The following MKNK2 variants were observed in gnomAD, a reference collection of about 807,000 sequenced individuals.
MKNK2 encodes the protein MAPK interacting serine/threonine kinase 2.
Under a neutral mutation model 55.0 loss-of-function variants are expected in MKNK2, and 54 were observed. That is an observed-to-expected ratio of 0.98 (90% CI 0.79 to 1.23). The LOEUF (loss-of-function observed/expected upper bound fraction) is 1.23. MKNK2 is among the 50% of genes most tolerant of loss of function. The probability of loss-of-function intolerance (pLI) is 0.00; values close to 1 mark genes in which losing one functional copy is unlikely to be tolerated. For missense variants in MKNK2, 685 were observed against 632.1 expected (o/e 1.08, Z -0.90); for synonymous variants, 323 against 256.0 (o/e 1.26, Z -2.50).
intron 6 of MKNK2, 89 bp downstream of exon 6, chr19:2,043,414 G>T: frequency 7.7e-7 from 1 of 1,306,004 alleles, no homozygotes; most frequent in Non-Finnish European, 1.1e-6. Flanking sequence ...GTGCCCTACA[G>T]ACGCTTGCTG....
chr19:2,041,605 C>T (rs572082823), intron 11 of MKNK2, among the ~76,000 whole-genome samples: 1 of 152,120 alleles, frequency 6.6e-6, no homozygotes, highest in African/African-American at 2.4e-5. Context: ...CTGTGGATGG[C>T]ATCAGGGAGT....
chr19:2,043,345 C>A, intron 6 of MKNK2, 148 bp from the exon 7 acceptor site: 1 of 1,002,904 alleles, frequency 1.0e-6, no homozygotes, highest in Non-Finnish European at 1.6e-6. Flanking sequence ...TCACACTGCC[C>A]GCCTGGGGCT....
rs1159551440 is a variant in MKNK2 at position 2,038,183 on chromosome 19, C to A, written c.*1430G>T. 3.0e-6 allele frequency: 3 copies of A among 1,015,368 alleles called. No individual in the cohort carries two copies. The South Asian group carries it at 1.4e-4, about 46-fold the overall frequency. The allele number at this position is 1,015,368 out of a possible 1,614,324, so 62.9% of individuals were successfully genotyped here. Reference sequence around the variant, plus strand: ...AGGCAGACGGTCTCCGAGGCCCCCACCCCCAGGCCCCCCGACATTCAAGTA... The same window carrying A: ...AGGCAGACGGTCTCCGAGGCCCCCAACCCCAGGCCCCCCGACATTCAAGTA... On this transcript the variant is annotated 3_prime_UTR_variant, in exon 14 of 14. Transcript: ENST00000250896.
At chr19:2,040,097 T>G (rs372336895) in intron 13 of MKNK2, 37 bp downstream of exon 13, 2 of 1,568,536 alleles carry the variant, frequency 1.3e-6, no homozygotes, top group African/African-American at 2.7e-5. Context: ...CCCCGCCCCC[T>G]GGACTCAGGG....
At position 2,041,860 on chromosome 19, in the gene MKNK2, C is replaced by T; in HGVS notation, c.925G>A (p.Glu309Lys). Residue 309 changes from glutamate to lysine, a missense_variant, in exon 11 of 14, where the codon GAG (glutamate) becomes AAG (lysine). Transcript: ENST00000250896. ...CGCACCTGGCAGGCAGGGCAGGCCTCGCCGCGGTCCCAGCCGCAGTCGCTG... is the reference window on the plus strand; with the variant it reads ...CGCACCTGGCAGGCAGGGCAGGCCTTGCCGCGGTCCCAGCCGCAGTCGCTG... ...CGSDCGWDRG[E>K]ACPACQNMLF... The T allele has an allele frequency of 2.6e-6, 4 of 1,534,088 alleles. No homozygotes were observed. The highest frequency in any genetic ancestry group is 3.5e-6 in the Non-Finnish European group (4 of 1,139,786).
rs954869331 is a variant in MKNK2, at chr19:2,038,801, A to G, written c.*812T>C. 1.7e-5 allele frequency: 17 copies of G among 985,536 alleles called. No homozygotes were observed. In the Admixed American group the frequency reaches 7.4e-4, roughly 43 times the overall value. 61.0% of individuals were successfully genotyped at this position (985,536 alleles called of 1,614,324 possible). A position where few individuals can be genotyped will look rare whatever the true frequency, so the allele number is the denominator to read the frequency against. ...CCAGCCCCTCTGCCTGCTGCGGTGG[A>G]AACGGCTTCGGGCCAGGCGGGGCTC... is the stretch of plus-strand genomic sequence containing the variant. On this transcript the variant is annotated 3_prime_UTR_variant, in exon 14 of 14. Coordinates refer to ENST00000250896, the MANE Select transcript of MKNK2 (RefSeq NM_199054.3).
rs2016787041 is a variant in MKNK2 at position 2,037,925 on chromosome 19, C to T, written c.*1688G>A. The stretch of plus-strand genomic sequence containing the variant: ...TGGGCGCCTGCAGCGGGCGGGGGTC[C>T]ATTTGCTTGTTCTTTGATACAAAAA... On this transcript the variant is annotated 3_prime_UTR_variant, in exon 14 of 14. Coordinates refer to ENST00000250896, the MANE Select transcript of MKNK2 (RefSeq NM_199054.3). 1.4e-6 allele frequency: 2 copies of T among 1,396,976 alleles called. No homozygotes were observed. Among genetic ancestry groups the T allele is most frequent in the Non-Finnish European group, 1.9e-6 (2 of 1,060,290 alleles). 86.5% of individuals were successfully genotyped at this position (1,396,976 alleles called of 1,614,324 possible). A position where few individuals can be genotyped will look rare whatever the true frequency, so the allele number is the denominator to read the frequency against.
In MKNK2 at chr19:2,038,107, C is replaced by T. The variant is rs546737623; in HGVS notation, c.*1506G>A. ...GACCAGGGAAGGCAGAGCACCCCCA[C>T]GGCCACCGGACTGTGACCATCATAC... On this transcript the variant is annotated 3_prime_UTR_variant, in exon 14 of 14. Transcript: ENST00000250896. 41 of 1,110,232 alleles carry T rather than the reference C, an allele frequency of 3.7e-5. No individual in the cohort carries two copies. Among genetic ancestry groups the T allele is most frequent in the Middle Eastern group, 3.9e-4 (1 of 2,556 alleles). 68.8% of individuals were successfully genotyped at this position (1,110,232 alleles called of 1,614,324 possible).
In MKNK2 at chr19:2,037,984, A is replaced by C; in HGVS notation, c.*1629T>G. On this transcript the variant is annotated 3_prime_UTR_variant, in exon 14 of 14. Transcript: ENST00000250896. ...ATCCCCCGTTACGAAACATGGAATC[A>C]CTGACAGGCGAGAAGTGATGGGGGA... 1 of 1,374,984 alleles carries C rather than the reference A, an allele frequency of 7.3e-7. No homozygotes were observed. The allele number at this position is 1,374,984 out of a possible 1,614,324, so 85.2% of individuals were successfully genotyped here. A position where few individuals can be genotyped will look rare whatever the true frequency, so the allele number is the denominator to read the frequency against.
Position 2,037,844 on chromosome 19 carries a change from AAAAAAAC to A in MKNK2, c.*1762_*1768del. 3 of 1,577,888 alleles carry A rather than the reference AAAAAAAC, an allele frequency of 1.9e-6. No homozygotes were observed. The highest frequency in any genetic ancestry group is 1.4e-5 in the African/African-American group (1 of 72,736). ...GACTGTCCCACCTTCAGAAAAAAAA[AAAAAAAC>A]AAACAAACAAACGCTGCTAGCCACT... On this transcript the variant is annotated 3_prime_UTR_variant, in exon 14 of 14. Transcript: ENST00000250896.
chr19:2,040,758 G>C (rs561541860), intron 12 of MKNK2: 3 of 484,002 alleles, frequency 6.2e-6, no homozygotes, highest in African/African-American at 1.9e-5. Context: ...CTCGCTGCCC[G>C]CTTCGCTCCA....
rs987558431 is a variant in MKNK2 at position 2,038,643 on chromosome 19, G to A, written c.*970C>T. Reference sequence around the variant, plus strand: ...TCTAAGGACAAGGACGGAGCTGACGGAGCTTCCAGGTCAGGCCCGAGGGGC... The same window carrying A: ...TCTAAGGACAAGGACGGAGCTGACGAAGCTTCCAGGTCAGGCCCGAGGGGC... On this transcript the variant is annotated 3_prime_UTR_variant, in exon 14 of 14. Coordinates refer to ENST00000250896, the MANE Select transcript of MKNK2 (RefSeq NM_199054.3). 3.0e-6 allele frequency: 3 copies of A among 985,588 alleles called. No homozygotes were observed. The highest frequency in any genetic ancestry group is 2.4e-6 in the Non-Finnish European group (2 of 830,002). 61.1% of individuals were successfully genotyped at this position (985,588 alleles called of 1,614,324 possible).
At chr19:2,043,247 T>C in intron 6 of MKNK2, 50 bp from the exon 7 acceptor site, 1 of 1,465,564 alleles carries the variant, frequency 6.8e-7, no homozygotes, top group South Asian at 1.1e-5. Context: ...CTGAGGCCCC[T>C]GGGTACCTGC....
chr19:2,044,558 G>A (rs1246116408), intron 5 of MKNK2, among the ~76,000 whole-genome samples: 1 of 152,028 alleles, frequency 6.6e-6, no homozygotes, highest in African/African-American at 2.4e-5. Context: ...CTGGCTGCAT[G>A]AGCACTCTGC....
chr19:2,049,908 G>GAC (rs139985045), intron 2 of MKNK2, among the ~76,000 whole-genome samples: 4 of 151,978 alleles, frequency 2.6e-5, no homozygotes, highest in South Asian at 2.1e-4. Context: ...ACAAGACAGA[G>GAC]ACACACACAC....
At position 2,039,435 on chromosome 19, in the gene MKNK2, G is replaced by GAA. The variant is rs3833279; in HGVS notation, c.*176_*177dup. 2,738 of 1,310,916 alleles carry GAA rather than the reference G, an allele frequency of 2.1e-3. No homozygotes were observed. Among genetic ancestry groups the GAA allele is most frequent in the Admixed American group, 4.1e-3 (132 of 32,176 alleles). 81.2% of individuals were successfully genotyped at this position (1,310,916 alleles called of 1,614,324 possible). ...AAATAACGGGGAGGGGTGGAAACAG[G>GAA]AAAAAAAAAACCCAAAAGCAAAAAC... On this transcript the variant is annotated 3_prime_UTR_variant, in exon 14 of 14. Coordinates refer to ENST00000250896, the MANE Select transcript of MKNK2 (RefSeq NM_199054.3).
chr19:2,042,754 G>A lies in MKNK2; in HGVS notation c.598+12C>T. 1 of 1,562,346 alleles carries A rather than the reference G, an allele frequency of 6.4e-7. No individual in the cohort carries two copies. The highest frequency in any genetic ancestry group is 8.7e-7 in the Non-Finnish European group (1 of 1,150,586). On this transcript the variant is annotated intron_variant, in intron 8 of 13. Coordinates refer to ENST00000250896, the MANE Select transcript of MKNK2 (RefSeq NM_199054.3). ...GCGGCCCTAGGAGACTCCGGGCGGG[G>A]TCACCACCTACCTTTGTTATGCAGA...
chr19:2,041,214 T>G lies in MKNK2; in HGVS notation c.946-10A>C, dbSNP rs200863983. ...TCTCAAACAGCATGTTCTGGGGACA[T>G]AGAACACAGGGGAGCTTAGACCTGC... is the stretch of plus-strand genomic sequence containing the variant. On this transcript the variant is annotated splice_polypyrimidine_tract_variant and intron_variant, in intron 11 of 13. Coordinates refer to ENST00000250896, the MANE Select transcript of MKNK2 (RefSeq NM_199054.3). 1.7e-5 allele frequency: 28 copies of G among 1,608,894 alleles called. No individual in the cohort carries two copies. In the East Asian group the frequency reaches 4.2e-4, roughly 24 times the overall value.
intron 2 of MKNK2, among the ~76,000 whole-genome samples, chr19:2,047,410 G>A (rs2017023528): frequency 6.6e-6 from 1 of 152,166 alleles, no homozygotes; most frequent in Non-Finnish European, 1.5e-5. Flanking sequence ...GGAAAGGGGT[G>A]CATTGCGGGG....
Sources: gnomAD v4.1 joint callset for allele counts (sites outside exome capture counted in the v4.1 genomes callset) on GRCh38, gnomAD v4.1.1 for gene constraint, MANE v1.5 for transcripts, NCBI Gene and HGNC (gene_info 2026-07-23, HGNC 2026-07-21) for gene names.